Variants in GALNTL6 observed in about 807,000 individuals in gnomAD.
The protein encoded by GALNTL6 is polypeptide N-acetylgalactosaminyltransferase like 6.
A neutral mutation model predicts 73.7 loss-of-function variants in GALNTL6; 46 were observed. The ratio of observed to expected loss-of-function variants is 0.62; its 90% CI spans 0.49 to 0.80. The LOEUF is 0.80. Among genes scored for constraint, GALNTL6 ranks in the 30% least tolerant of loss-of-function variants. The pLI, the probability that GALNTL6 is intolerant of heterozygous loss-of-function variation, is 0.00. For synonymous variants in GALNTL6, 259 were observed against 263.7 expected, an observed-to-expected ratio of 0.98 and a Z score of 0.17; for missense variants, 604 against 755.0, an observed-to-expected ratio of 0.80 and a Z score of 2.34.
At chr4:171,886,289 T>A (rs1207718730) in intron 2 of GALNTL6, among the ~76,000 whole-genome samples, 1 of 152,192 alleles carries the variant, frequency 6.6e-6, no homozygotes, top group African/African-American at 2.4e-5. Flanking sequence ...TGTGCTGCCA[T>A]TATATCAAAG....
intron 5 of GALNTL6, among the ~76,000 whole-genome samples, chr4:172,578,595 A>G (rs1737050417): frequency 1.3e-5 from 2 of 152,334 alleles, no homozygotes; most frequent in Admixed American, 1.3e-4. Context: ...TATATGAGAA[A>G]TATTTCCACG....
intron 2 of GALNTL6, among the ~76,000 whole-genome samples, chr4:171,861,254 G>C (rs1170420246): frequency 6.6e-6 from 1 of 152,096 alleles, no homozygotes; most frequent in African/African-American, 2.4e-5. Context: ...CACAGTGTGT[G>C]CTACTTCTGG....
intron 5 of GALNTL6, among the ~76,000 whole-genome samples, chr4:172,582,182 G>A (rs1737216326): frequency 6.6e-6 from 1 of 152,156 alleles, no homozygotes; most frequent in Admixed American, 6.5e-5. Flanking sequence ...AAGCATCAGG[G>A]GCTTGACCGT....
At chr4:171,889,860 C>T (rs1351206766) in intron 2 of GALNTL6, among the ~76,000 whole-genome samples, 1 of 152,038 alleles carries the variant, frequency 6.6e-6, no homozygotes, top group East Asian at 1.9e-4. Flanking sequence ...AAAGTCAAGT[C>T]ATTTTCTAAG....
chr4:172,260,090 T>A (rs780793368), intron 3 of GALNTL6, among the ~76,000 whole-genome samples: 2 of 151,768 alleles, frequency 1.3e-5, no homozygotes, highest in Non-Finnish European at 3.0e-5. Context: ...CGTTTTTTGG[T>A]TCCATATGAA....
At position 172,504,175 on chromosome 4, in the gene GALNTL6, A is replaced by AAAAAAAAAAAAAAAAAAAAAAAAAAAAAC. The variant is rs1363544210; in HGVS notation, c.553+155490_553+155491insAAAAAAAAAAAAAAAAAAAAAAAACAAAA. Among the ~76,000 whole-genome samples the AAAAAAAAAAAAAAAAAAAAAAAAAAAAAC allele has an allele frequency of 4.8e-4, 19 of 39,314 alleles. 6 individuals are homozygous for AAAAAAAAAAAAAAAAAAAAAAAAAAAAAC. The highest frequency in any genetic ancestry group is 1.2e-3 in the African/African-American group (16 of 13,016). 25.8% of individuals were successfully genotyped at this position (39,314 alleles called of 152,430 possible). ...ACTCTGTCTCAAAAAAAAAAAAAAA[A>AAAAAAAAAAAAAAAAAAAAAAAAAAAAAC]AAAACTCACACCTTGTTGATATTGG... On this transcript the variant is annotated intron_variant, in intron 5 of 12. Transcript: ENST00000506823.
chr4:172,733,769 A>T (rs1348711747), intron 5 of GALNTL6, among the ~76,000 whole-genome samples: 1 of 152,110 alleles, frequency 6.6e-6, no homozygotes, highest in Non-Finnish European at 1.5e-5. Flanking sequence ...GATTTCAAAA[A>T]CTTCTTTTTC....
chr4:172,952,561 G>C (rs1749510432), intron 10 of GALNTL6, among the ~76,000 whole-genome samples: 1 of 151,730 alleles, frequency 6.6e-6, no homozygotes, highest in African/African-American at 2.4e-5. Context: ...TGTCTTCCAG[G>C]CTGGAATGCA....
chr4:172,598,548 G>A (rs1737945592), intron 5 of GALNTL6, among the ~76,000 whole-genome samples: 1 of 152,130 alleles, frequency 6.6e-6, no homozygotes, highest in Non-Finnish European at 1.5e-5. Context: ...ATAGAAAGGA[G>A]CAATTAACAA....
chr4:171,970,656 G>C (rs1421102752), intron 2 of GALNTL6, among the ~76,000 whole-genome samples: 1 of 152,060 alleles, frequency 6.6e-6, no homozygotes, highest in Non-Finnish European at 1.5e-5. Context: ...TCAAGCTTTT[G>C]CATATTTCAC....
intron 2 of GALNTL6, among the ~76,000 whole-genome samples, chr4:171,935,920 C>A (rs747742859): frequency 6.6e-6 from 1 of 152,076 alleles, no homozygotes; most frequent in Admixed American, 6.6e-5. Context: ...AATTTGGTAG[C>A]CTTCATGCCA....
intron 5 of GALNTL6, among the ~76,000 whole-genome samples, chr4:172,594,035 A>C (rs1369352466): frequency 1.3e-5 from 2 of 152,192 alleles, no homozygotes; most frequent in Non-Finnish European, 2.9e-5. Context: ...AGATAACTTT[A>C]AGTGTTTAAT....
intron 2 of GALNTL6, among the ~76,000 whole-genome samples, chr4:172,120,063 A>G (rs2110996173): frequency 6.6e-6 from 1 of 152,316 alleles, no homozygotes; most frequent in African/African-American, 2.4e-5. Context: ...CATTATGAAG[A>G]CAACGTATTG....
intron 5 of GALNTL6, among the ~76,000 whole-genome samples, chr4:172,606,667 A>G (rs1273822012): frequency 3.3e-3 from 148 of 44,900 alleles, no homozygotes; most frequent in African/African-American, 6.3e-3. Flanking sequence ...TATATACTAT[A>G]TATATATACT....
At chr4:172,458,406 C>T (rs1732483224) in intron 5 of GALNTL6, among the ~76,000 whole-genome samples, 1 of 151,016 alleles carries the variant, frequency 6.6e-6, no homozygotes, top group African/African-American at 2.4e-5. Flanking sequence ...TATGAAAAAC[C>T]CTGCAAAAAC....
chr4:172,168,294 G>GT (rs926641409), intron 2 of GALNTL6, among the ~76,000 whole-genome samples: 8 of 151,860 alleles, frequency 5.3e-5, no homozygotes, highest in Non-Finnish European at 7.4e-5. Flanking sequence ...GTTTTGTTTT[G>GT]TTTTTTGAGA....
chr4:172,518,418 T>TTCATTTC lies in GALNTL6; in HGVS notation c.553+169730_553+169736dup, dbSNP rs796140983. Among the ~76,000 whole-genome samples, 98 of 152,064 alleles carry TTCATTTC rather than the reference T, an allele frequency of 6.4e-4. 1 individual carries two copies. Among genetic ancestry groups the TTCATTTC allele is most frequent in the African/African-American group, 2.2e-3 (90 of 41,552 alleles). ...GTACATATTGTAGATTGAAGGCTTA[T>TTCATTTC]TCATTTCACATTTGTACTAGAACTG... is the stretch of plus-strand genomic sequence containing the variant. On this transcript the variant is annotated intron_variant, in intron 5 of 12. Transcript: ENST00000506823.
rs929573166 is a variant in GALNTL6 at position 172,858,979 on chromosome 4, A to G, written c.924-23811A>G. Among the ~76,000 whole-genome samples the G allele has an allele frequency of 2.0e-5, 3 of 152,084 alleles. No homozygotes were observed. In the South Asian group the frequency reaches 6.2e-4, roughly 31 times the overall value. On this transcript the variant is annotated intron_variant, in intron 7 of 12. Transcript: ENST00000506823. ...GGTCTCTTGAAAAAAAATAAACAAC[A>G]AAGTTTAAGGATTCAAGAAGATAAT...
At chr4:172,592,283 A>G (rs758707471) in intron 5 of GALNTL6, among the ~76,000 whole-genome samples, 1 of 152,144 alleles carries the variant, frequency 6.6e-6, no homozygotes, top group Non-Finnish European at 1.5e-5. Context: ...GAACTAATGT[A>G]TTCCCACAAG....
Sources: gnomAD v4.1 joint callset for allele counts (sites outside exome capture counted in the v4.1 genomes callset) on GRCh38, gnomAD v4.1.1 for gene constraint, MANE v1.5 for transcripts, NCBI Gene and HGNC (gene_info 2026-07-23, HGNC 2026-07-21) for gene names.